The following UBE2D2 variants were observed in gnomAD, a reference collection of about 807,000 sequenced individuals.
UBE2D2 encodes the protein ubiquitin conjugating enzyme E2 D2, also known as ubiquitin-conjugating enzyme E2 D2.
A neutral mutation model predicts 24.2 loss-of-function variants in UBE2D2; 2 were observed. That is an observed-to-expected ratio of 0.08 (90% CI 0.03 to 0.26). UBE2D2 has a LOEUF of 0.26. Ranked by LOEUF, UBE2D2 falls within the 10% of genes least tolerant of loss-of-function variation. The pLI is 1.00. For synonymous variants in UBE2D2, 58 were observed against 56.5 expected (o/e 1.03, Z -0.12); for missense variants, 44 against 177.6 (o/e 0.25, Z 4.28).
At chr5:139,531,567 C>A (rs1457665706) in intron 1 of UBE2D2, among the ~76,000 whole-genome samples, 2 of 149,624 alleles carry the variant, frequency 1.3e-5, no homozygotes, top group African/African-American at 2.5e-5. Flanking sequence ...CTGCTACAAG[C>A]TGAGATTGCA....
At chr5:139,589,118 C>T (rs151234542) in intron 1 of UBE2D2, among the ~76,000 whole-genome samples, 2 of 152,186 alleles carry the variant, frequency 1.3e-5, no homozygotes, top group East Asian at 1.9e-4. Context: ...CTTAGCAGAG[C>T]GTCTTTGGTT....
chr5:139,596,226 A>C (rs1297460576), intron 1 of UBE2D2, among the ~76,000 whole-genome samples: 1 of 151,308 alleles, frequency 6.6e-6, no homozygotes, highest in South Asian at 2.1e-4. Flanking sequence ...TTTTATGCAC[A>C]TGTAAAGATG....
chr5:139,556,324 C>G (rs1167169118), upstream of UBE2D2, among the ~76,000 whole-genome samples: 1 of 151,784 alleles, frequency 6.6e-6, no homozygotes, highest in Non-Finnish European at 1.5e-5. Flanking sequence ...GGCAGAATCA[C>G]CTGAACCCGG....
intron 1 of UBE2D2, among the ~76,000 whole-genome samples, chr5:139,580,922 A>G (rs753791506): frequency 6.6e-6 from 1 of 152,154 alleles, no homozygotes. Flanking sequence ...GTCTCAAATA[A>G]TAATAATCAC....
chr5:139,619,513 G>A (rs1037700117), intron 5 of UBE2D2, among the ~76,000 whole-genome samples: 1 of 152,104 alleles, frequency 6.6e-6, no homozygotes, highest in Non-Finnish European at 1.5e-5. Context: ...TATAGTATAT[G>A]TATCAGTCCA....
At chr5:139,586,150 G>C (rs1753721513) in intron 1 of UBE2D2, among the ~76,000 whole-genome samples, 1 of 151,276 alleles carries the variant, frequency 6.6e-6, no homozygotes. Context: ...AACCATAACT[G>C]CTGTTGTGAA....
At chr5:139,596,842 C>A (rs573380134) in intron 1 of UBE2D2, among the ~76,000 whole-genome samples, 1 of 151,730 alleles carries the variant, frequency 6.6e-6, no homozygotes, top group Non-Finnish European at 1.5e-5. Flanking sequence ...GTCAGGAGAT[C>A]GAGACCATCC....
chr5:139,583,678 C>T (rs1753655195), intron 1 of UBE2D2, among the ~76,000 whole-genome samples: 1 of 152,176 alleles, frequency 6.6e-6, no homozygotes, highest in Admixed American at 6.5e-5. Context: ...AGGAGAATTG[C>T]TTGAACCCAG....
intron 1 of UBE2D2, among the ~76,000 whole-genome samples, chr5:139,591,854 A>G (rs1447873294): frequency 6.6e-5 from 10 of 152,162 alleles, no homozygotes; most frequent in Admixed American, 5.9e-4. Context: ...GGAGTGAGGC[A>G]GGGAGAATGC....
At chr5:139,623,946 C>G (rs1246782831) in intron 6 of UBE2D2, among the ~76,000 whole-genome samples, 3 of 152,144 alleles carry the variant, frequency 2.0e-5, no homozygotes, top group African/African-American at 7.2e-5. Flanking sequence ...CTGCCTAGGC[C>G]TCCCAAAGTG....
At chr5:139,611,819 A>G (rs1355622243) in intron 2 of UBE2D2, among the ~76,000 whole-genome samples, 1 of 152,198 alleles carries the variant, frequency 6.6e-6, no homozygotes, top group African/African-American at 2.4e-5. Context: ...TTCACACACA[A>G]GTTAAAATGG....
upstream of UBE2D2, among the ~76,000 whole-genome samples, chr5:139,556,460 C>A (rs1752981944): frequency 6.6e-6 from 1 of 150,956 alleles, no homozygotes; most frequent in South Asian, 2.1e-4. Flanking sequence ...AGAAAAATAA[C>A]AAATTAAAGT....
At chr5:139,626,706 C>G in intron 6 of UBE2D2, 50 bp from the exon 7 acceptor site, 1 of 1,483,788 alleles carries the variant, frequency 6.7e-7, no homozygotes. Flanking sequence ...GAATCTGTTG[C>G]TTACTGACTC....
intron 1 of UBE2D2, among the ~76,000 whole-genome samples, chr5:139,578,450 G>T (rs902245501): frequency 2.6e-5 from 4 of 151,740 alleles, no homozygotes; most frequent in African/African-American, 4.8e-5. Context: ...GTGTGTGTGT[G>T]TGTGTGTGTG....
chr5:139,548,178 A>T (rs1561498557), intron 1 of UBE2D2, among the ~76,000 whole-genome samples: 1 of 39,810 alleles, frequency 2.5e-5, no homozygotes. Context: ...AAAAAAAAAA[A>T]AAAAATAAAA....
intron 2 of UBE2D2, among the ~76,000 whole-genome samples, chr5:139,611,286 A>C (rs1322925104): frequency 6.8e-6 from 1 of 147,544 alleles, no homozygotes; most frequent in African/African-American, 2.5e-5. Flanking sequence ...TCCGAGTTTC[A>C]AGTGATTCTC....
chr5:139,551,458 T>G (rs1445208384), intron 1 of UBE2D2, among the ~76,000 whole-genome samples: 1 of 152,222 alleles, frequency 6.6e-6, no homozygotes, highest in Non-Finnish European at 1.5e-5. Flanking sequence ...TTTGAAACCC[T>G]TTGCACTGAG....
intron 1 of UBE2D2, among the ~76,000 whole-genome samples, chr5:139,586,657 C>G (rs919781393): frequency 6.6e-6 from 1 of 151,872 alleles, no homozygotes; most frequent in Admixed American, 6.6e-5. Flanking sequence ...CCCAGCTACT[C>G]AGGAGGCTGA....
rs1180419820 is a variant in UBE2D2 at position 139,561,547 on chromosome 5, C to CGGT, written c.-242_-240dup. 3 of 408,116 alleles carry CGGT rather than the reference C, an allele frequency of 7.4e-6. No homozygotes were observed. The highest frequency in any genetic ancestry group is 3.7e-5 in the East Asian group (1 of 27,154). The allele number at this position is 408,116 out of a possible 1,614,324, so 25.3% of individuals were successfully genotyped here. A position where few individuals can be genotyped will look rare whatever the true frequency, so the allele number is the denominator to read the frequency against. On this transcript the variant is annotated 5_prime_UTR_variant, in exon 1 of 7. Transcript: ENST00000398733. Reference sequence around the variant, plus strand: ...GAAGAGGCAGCTACGGCGGCGGCGGCGGTGGCGGCTAGGGCGGCGGCGAAT... The same window carrying CGGT: ...GAAGAGGCAGCTACGGCGGCGGCGGCGGTGGTGGCGGCTAGGGCGGCGGCGAAT...
Sources: allele counts gnomAD v4.1 joint callset (sites outside exome capture counted in the v4.1 genomes callset), GRCh38; gene constraint gnomAD v4.1.1; transcripts MANE v1.5; gene names NCBI Gene and HGNC (gene_info 2026-07-23, HGNC 2026-07-21).